Variants in NFATC1 observed in about 807,000 individuals in gnomAD.
NFATC1 encodes the protein nuclear factor of activated T-cells, cytoplasmic 1.
A neutral mutation model predicts 76.0 loss-of-function variants in NFATC1; 22 were observed. The observed-to-expected ratio is 0.29, with a 90% CI of 0.21 to 0.41. The LOEUF is 0.41. Ranked by LOEUF, NFATC1 falls within the 10% of genes least tolerant of loss-of-function variation. NFATC1 has a pLI of 1.00. For missense variants in NFATC1, 1,357 were observed against 1,337.7 expected, an observed-to-expected ratio of 1.01 and a Z score of -0.23; for synonymous variants, 704 against 613.1, an observed-to-expected ratio of 1.15 and a Z score of -2.19.
chr18:79,428,577 G>A (rs1600685548), intron 2 of NFATC1, among the ~76,000 whole-genome samples: 1 of 152,230 alleles, frequency 6.6e-6, no homozygotes, highest in East Asian at 1.9e-4. Flanking sequence ...CAACAGAGGG[G>A]AACAGCCCAC....
At chr18:79,495,444 C>T (rs973178445) in intron 9 of NFATC1, among the ~76,000 whole-genome samples, 8 of 152,228 alleles carry the variant, frequency 5.3e-5, no homozygotes, top group African/African-American at 1.4e-4. Flanking sequence ...TTCAGCTATT[C>T]ATCTTCTGCC....
At chr18:79,405,371 T>C (rs1304009257) in intron 1 of NFATC1, among the ~76,000 whole-genome samples, 1 of 152,192 alleles carries the variant, frequency 6.6e-6, no homozygotes, top group Non-Finnish European at 1.5e-5. Context: ...AGCTCTGTGG[T>C]GGTGTCTGAC....
chr18:79,498,911 AT>A (rs2089956713), intron 9 of NFATC1, among the ~76,000 whole-genome samples: 1 of 152,222 alleles, frequency 6.6e-6, no homozygotes, highest in Non-Finnish European at 1.5e-5. Flanking sequence ...AGAATTCTAT[AT>A]CTAGTAAAAC....
In NFATC1 at chr18:79,410,781, C is replaced by T. The variant is rs751291857; in HGVS notation, c.506C>T (p.Ser169Leu). ...AGCCTGGAGGCCTACAGAGACCCCT[C>T]GTGCCTGAGCCCGGCCAGCAGCCTG... is the stretch of plus-strand genomic sequence containing the variant. ...LPSLEAYRDP[S>L]CLSPASSLSS... Residue 169 changes from serine to leucine, a missense_variant, in exon 2 of 10, where the codon TCG (serine) becomes TTG (leucine). Ser to Leu is a moderately radical substitution (Grantham distance 145, BLOSUM62 -2). Transcript: ENST00000427363. This position sits in a 1 kb window ranked among gnomAD's most constrained non-coding sequence, Gnocchi z 6.7. 8 of 1,612,860 alleles carry T rather than the reference C, an allele frequency of 5.0e-6. No individual in the cohort carries two copies. The highest frequency in any genetic ancestry group is 4.5e-5 in the East Asian group (2 of 44,870).
At chr18:79,427,187 C>T (rs1450204228) in intron 2 of NFATC1, among the ~76,000 whole-genome samples, 1 of 152,212 alleles carries the variant, frequency 6.6e-6, no homozygotes, top group Non-Finnish European at 1.5e-5. Context: ...CATGCCGTGA[C>T]GTTGTCCTTC....
At chr18:79,433,347 C>G (rs1555905064) in intron 2 of NFATC1, among the ~76,000 whole-genome samples, 2 of 152,134 alleles carry the variant, frequency 1.3e-5, no homozygotes, top group Non-Finnish European at 2.9e-5. Flanking sequence ...GGAAGAGAAG[C>G]GTGTTAAGGT....
chr18:79,425,031 C>G (rs2086256997), intron 2 of NFATC1, among the ~76,000 whole-genome samples: 1 of 147,984 alleles, frequency 6.8e-6, no homozygotes, highest in Non-Finnish European at 1.5e-5. Context: ...CTCCATCTCT[C>G]TCCATCTCTC....
At chr18:79,406,826 C>T (rs1047079076) in intron 1 of NFATC1, among the ~76,000 whole-genome samples, 2 of 152,142 alleles carry the variant, frequency 1.3e-5, no homozygotes, top group Non-Finnish European at 2.9e-5. Flanking sequence ...CTGTGCTTCC[C>T]CCGAGACCCC....
At position 79,486,411 on chromosome 18, in the gene NFATC1, G is replaced by A. The variant is rs368749505; in HGVS notation, c.2256G>A (p.Pro752=). The A allele has an allele frequency of 2.4e-5, 38 of 1,612,474 alleles. No individual in the cohort carries two copies. The African/African-American group carries it at 2.9e-4, about 12-fold the overall frequency. The change falls in exon 9 of 10, where the codon CCG becomes CCA. Residue 752 remains proline (P), a synonymous_variant. Coordinates refer to ENST00000427363, the MANE Select transcript of NFATC1 (RefSeq NM_001278669.2). The stretch of plus-strand genomic sequence containing the variant: ...TCGTGGCCGGCTTCCCGCCCTGTCC[G>A]CAGAGAAGCACCCTGATGCCAGCGG... The part of the protein sequence containing the change: ...SCLVAGFPPC[P]QRSTLMPAAP...
chr18:79,477,632 C>T (rs1278660883), intron 8 of NFATC1, among the ~76,000 whole-genome samples: 1 of 148,872 alleles, frequency 6.7e-6, no homozygotes, highest in Non-Finnish European at 1.5e-5. Context: ...GCACCACCGG[C>T]CGTACTGTTG....
intron 7 of NFATC1, 113 bp from the exon 8 acceptor site, chr18:79,467,337 G>A (rs950651920): frequency 3.9e-6 from 4 of 1,034,344 alleles, no homozygotes; most frequent in East Asian, 2.6e-5. Context: ...GTGGAAACGC[G>A]GGGTTGCCGT....
In NFATC1 at chr18:79,451,663, C is replaced by A. The variant is rs769472585; in HGVS notation, c.1763-13C>A. 2 of 1,579,498 alleles carry A rather than the reference C, an allele frequency of 1.3e-6. No individual in the cohort carries two copies. Among genetic ancestry groups the A allele is most frequent in the South Asian group, 2.3e-5 (2 of 85,212 alleles). On this transcript the variant is annotated splice_polypyrimidine_tract_variant and intron_variant, in intron 5 of 9. Coordinates refer to ENST00000427363, the MANE Select transcript of NFATC1 (RefSeq NM_001278669.2). The stretch of plus-strand genomic sequence containing the variant: ...CAGGACAGGCCCTCACTGCCCCTCT[C>A]CTTCTGATGCAGCCCAGCGCTCAGC...
intron 8 of NFATC1, among the ~76,000 whole-genome samples, chr18:79,481,173 G>A (rs1451928000): frequency 6.6e-6 from 1 of 152,210 alleles, no homozygotes; most frequent in African/African-American, 2.4e-5. Flanking sequence ...TGGCTTTGTC[G>A]TGGACTCATC....
chr18:79,412,067 T>C (rs2148194881), intron 2 of NFATC1, among the ~76,000 whole-genome samples: 1 of 152,352 alleles, frequency 6.6e-6, no homozygotes, highest in South Asian at 2.1e-4. Context: ...CAGCACGGCC[T>C]CCTGCTCCCC....
intron 1 of NFATC1, among the ~76,000 whole-genome samples, chr18:79,404,345 G>T (rs1253564448): frequency 6.6e-6 from 1 of 152,230 alleles, no homozygotes; most frequent in Non-Finnish European, 1.5e-5. Flanking sequence ...GATTGTTGGG[G>T]GAACGGCGTC....
In NFATC1 at chr18:79,460,788, C is replaced by T. The variant is rs369790366; in HGVS notation, c.1904-523C>T. Among the ~76,000 whole-genome samples, 19 of 152,302 alleles carry T rather than the reference C, an allele frequency of 1.2e-4. No individual in the cohort carries two copies. The East Asian group carries it at 2.3e-3, about 19-fold the overall frequency. ...CCCTGGCGTGGAGCCCCCGGCCCCCCGTCACTACTCTCACACCTCCTGCAT... is the reference window on the plus strand; with the variant it reads ...CCCTGGCGTGGAGCCCCCGGCCCCCTGTCACTACTCTCACACCTCCTGCAT... On this transcript the variant is annotated intron_variant, in intron 6 of 9. Transcript: ENST00000427363.
chr18:79,522,844 T>C (rs1430717606), intron 9 of NFATC1, among the ~76,000 whole-genome samples: 1 of 152,206 alleles, frequency 6.6e-6, no homozygotes, highest in Non-Finnish European at 1.5e-5. Context: ...CAGCTTTCCA[T>C]GACTTTCCTA....
At chr18:79,482,497 C>G (rs113118218) in intron 8 of NFATC1, among the ~76,000 whole-genome samples, 8,753 of 144,240 alleles carry the variant, frequency 0.061, 390 homozygotes, top group Admixed American at 0.091. Flanking sequence ...TGAGCTGTTT[C>G]CTGGGGTGTC....
chr18:79,486,078 G>C (rs1255071197), intron 8 of NFATC1, among the ~76,000 whole-genome samples, 170 bp from the exon 9 acceptor site: 1 of 150,818 alleles, frequency 6.6e-6, no homozygotes, highest in Non-Finnish European at 1.5e-5. Context: ...CTACTCTCTC[G>C]GCCGATGACT....
Sources: gnomAD v4.1 joint callset for allele counts (sites outside exome capture counted in the v4.1 genomes callset) on GRCh38, gnomAD v4.1.1 for gene constraint, Gnocchi (gnomAD v3.1) non-coding constraint, MANE v1.5 for transcripts, NCBI Gene and HGNC (gene_info 2026-07-23, HGNC 2026-07-21) for gene names.